TNNI3K: variants seen among roughly 807,000 people sequenced by gnomAD.
The protein encoded by TNNI3K is serine/threonine-protein kinase TNNI3K.
TNNI3K carries 140 observed loss-of-function variants against 114.5 expected under a neutral mutation model. That is an observed-to-expected ratio of 1.22 (90% CI 1.07 to 1.41). TNNI3K has a LOEUF of 1.41. Ranked by LOEUF, TNNI3K falls within the 40% of genes most tolerant of loss-of-function variation. The pLI is 0.00. For synonymous variants in TNNI3K, 347 were observed against 347.5 expected (o/e 1.00, Z 0.02); for missense variants, 1,125 against 1,007.6 (o/e 1.12, Z -1.58).
chr1:74,483,984 GA>G (rs1456683405), intron 21 of TNNI3K, among the ~76,000 whole-genome samples: 3 of 151,886 alleles, frequency 2.0e-5, no homozygotes, highest in Non-Finnish European at 2.9e-5. Flanking sequence ...TATTATCTTA[GA>G]AAAAAATATT....
chr1:74,266,493 G>C (rs922148889), intron 4 of TNNI3K, among the ~76,000 whole-genome samples: 1 of 151,920 alleles, frequency 6.6e-6, no homozygotes, highest in Non-Finnish European at 1.5e-5. Flanking sequence ...TCAAGGGGAA[G>C]GGGCATAGAT....
intron 21 of TNNI3K, among the ~76,000 whole-genome samples, chr1:74,473,658 A>T (rs1453345364): frequency 1.3e-5 from 2 of 152,070 alleles, no homozygotes; most frequent in African/African-American, 2.4e-5. Flanking sequence ...CAAGAGGTAA[A>T]CTAAGTTCCA....
At chr1:74,290,599 C>G (rs1176044679) in intron 5 of TNNI3K, among the ~76,000 whole-genome samples, 3 of 151,762 alleles carry the variant, frequency 2.0e-5, no homozygotes, top group Non-Finnish European at 4.4e-5. Flanking sequence ...TATCATTAAA[C>G]ATGACATTGT....
Position 74,527,463 on chromosome 1 carries a change from G to A in TNNI3K, c.2352-12771G>A, listed in dbSNP as rs79785571. 1.9e-4 allele frequency among the ~76,000 whole-genome samples: 29 copies of A among 152,326 alleles called. 1 individual carries two copies. In the East Asian group the frequency reaches 5.4e-3, roughly 28 times the overall value. ...ATGACAAAAACAAGTCTGCCGTAAG[G>A]AGACTCTGAGAAATGCATTCAGCAG... On this transcript the variant is annotated intron_variant, in intron 23 of 24. Transcript: ENST00000326637.
chr1:74,372,092 G>GAA (rs61241236), intron 17 of TNNI3K: 9 of 135,258 alleles, frequency 6.7e-5, no homozygotes, highest in African/African-American at 2.3e-4. Flanking sequence ...TAGTTTTTAA[G>GAA]AAAAAAAAAA....
chr1:74,247,420 C>A (rs1415354489), intron 2 of TNNI3K, among the ~76,000 whole-genome samples: 1 of 152,160 alleles, frequency 6.6e-6, no homozygotes, highest in Non-Finnish European at 1.5e-5. Context: ...GAGTGAGAAG[C>A]AGCAAGATTT....
intron 21 of TNNI3K, among the ~76,000 whole-genome samples, chr1:74,485,053 T>C (rs1012001668): frequency 2.0e-5 from 3 of 152,184 alleles, no homozygotes. Flanking sequence ...ACCTGTCTGA[T>C]GGAATGTGCT....
chr1:74,321,765 C>T (rs2100384062), intron 5 of TNNI3K, among the ~76,000 whole-genome samples: 1 of 151,958 alleles, frequency 6.6e-6, no homozygotes, highest in South Asian at 2.1e-4. Context: ...AGAGAAAGAT[C>T]ACATAAAAAG....
intron 21 of TNNI3K, among the ~76,000 whole-genome samples, chr1:74,487,841 T>C (rs539238861): frequency 2.6e-5 from 4 of 152,252 alleles, no homozygotes; most frequent in South Asian, 4.2e-4. Context: ...TCAAAGCTTG[T>C]TGGAGTCAGG....
intron 23 of TNNI3K, among the ~76,000 whole-genome samples, chr1:74,525,039 C>T (rs908911546): frequency 6.6e-6 from 1 of 152,064 alleles, no homozygotes; most frequent in East Asian, 1.9e-4. Context: ...GAGCTGGACA[C>T]TGGGGAAAGA....
At chr1:74,504,847 A>G (rs1484769041) in intron 23 of TNNI3K, among the ~76,000 whole-genome samples, 1 of 152,064 alleles carries the variant, frequency 6.6e-6, no homozygotes, top group Non-Finnish European at 1.5e-5. Context: ...CTCCCTCCTA[A>G]CCCAAAGGGC....
chr1:74,312,028 G>A (rs1386560269), intron 5 of TNNI3K, among the ~76,000 whole-genome samples: 1 of 152,076 alleles, frequency 6.6e-6, no homozygotes, highest in Non-Finnish European at 1.5e-5. Flanking sequence ...GATTCTATGA[G>A]TTCTCTGCTC....
At chr1:74,534,330 A>T (rs2100450074) in intron 23 of TNNI3K, among the ~76,000 whole-genome samples, 1 of 152,304 alleles carries the variant, frequency 6.6e-6, no homozygotes, top group South Asian at 2.1e-4. Context: ...TAAAAAAATG[A>T]TTCCTTTTGG....
At chr1:74,279,592 C>CAATGAATG (rs56037474) in intron 5 of TNNI3K, among the ~76,000 whole-genome samples, 141,007 of 151,624 alleles carry the variant, frequency 0.93, 66,161 homozygotes, top group Non-Finnish European at 0.99. Flanking sequence ...TAAATAGAAA[C>CAATGAATG]AATGAATGAA....
chr1:74,359,266 A>T (rs1661825967), intron 11 of TNNI3K, among the ~76,000 whole-genome samples: 1 of 152,076 alleles, frequency 6.6e-6, no homozygotes. Flanking sequence ...TAAGGATAAG[A>T]TTTAAGTGCT....
chr1:74,479,778 TGTCATA>T (rs1324710839), intron 21 of TNNI3K, among the ~76,000 whole-genome samples: 3 of 152,236 alleles, frequency 2.0e-5, no homozygotes, highest in Admixed American at 6.5e-5. Flanking sequence ...TATCTCCTAG[TGTCATA>T]ACAAATGCAC....
At chr1:74,531,502 G>A (rs1465831086) in intron 23 of TNNI3K, among the ~76,000 whole-genome samples, 1 of 152,154 alleles carries the variant, frequency 6.6e-6, no homozygotes, top group East Asian at 1.9e-4. Context: ...GGAAGACACT[G>A]CAAAGCATAG....
chr1:74,278,974 A>G (rs973221891), intron 5 of TNNI3K, among the ~76,000 whole-genome samples: 1 of 151,534 alleles, frequency 6.6e-6, no homozygotes, highest in Non-Finnish European at 1.5e-5. Context: ...TTATTTAGCA[A>G]AACAGAAAAA....
At chr1:74,290,372 G>A (rs940197893) in intron 5 of TNNI3K, among the ~76,000 whole-genome samples, 7 of 146,436 alleles carry the variant, frequency 4.8e-5, no homozygotes, top group South Asian at 4.4e-4. Flanking sequence ...ATTTACCTTT[G>A]AAATACTGCT....
Sources: allele counts gnomAD v4.1 joint callset (sites outside exome capture counted in the v4.1 genomes callset), GRCh38; gene constraint gnomAD v4.1.1; transcripts MANE v1.5; gene names NCBI Gene and HGNC (gene_info 2026-07-23, HGNC 2026-07-21).